Variants in WDR18 observed in about 807,000 individuals in gnomAD.
WDR18 encodes WD repeat-containing protein 18.
Under a neutral mutation model 49.6 loss-of-function variants are expected in WDR18, and 33 were observed. The ratio of observed to expected loss-of-function variants is 0.67; its 90% CI spans 0.50 to 0.89. The LOEUF (loss-of-function observed/expected upper bound fraction) is 0.89, where lower values mean the gene tolerates loss of function less well. Among genes scored for constraint, WDR18 ranks in the 40% least tolerant of loss-of-function variants. The probability of loss-of-function intolerance (pLI) is 0.00; values close to 1 mark genes in which losing one functional copy is unlikely to be tolerated. For missense variants in WDR18, 653 were observed against 593.6 expected, an observed-to-expected ratio of 1.10 and a Z score of -1.04; for synonymous variants, 315 against 263.6, an observed-to-expected ratio of 1.19 and a Z score of -1.89.
At chr19:983,363 C>A (rs982052295), upstream of WDR18, among the ~76,000 whole-genome samples, 2 of 152,046 alleles carry the variant, frequency 1.3e-5, no homozygotes, top group African/African-American at 4.8e-5. Context: ...GGGATCTCGG[C>A]TCACTGAGAC....
chr19:984,207 C>A (rs911494590), upstream of WDR18: 3 of 872,246 alleles, frequency 3.4e-6, no homozygotes, highest in East Asian at 3.3e-5. Flanking sequence ...AATCCCACTT[C>A]ACAAGAAAGC....
intron 7 of WDR18, among the ~76,000 whole-genome samples, chr19:991,711 ACGGGGCGGGGCCTGG>A: frequency 1.3e-3 from 1 of 764 alleles, no homozygotes; most frequent in African/African-American, 0.01. Context: ...CCTGGCTGGG[ACGGGGCGGGGCCTGG>A]CTGGGACGGG....
Position 993,495 on chromosome 19 carries a change from C to T in WDR18, c.1099-525C>T, listed in dbSNP as rs149686393. Among the ~76,000 whole-genome samples the T allele has an allele frequency of 7.7e-3, 1,177 of 152,368 alleles. 47 individuals carry two copies. Among genetic ancestry groups the T allele is most frequent in the Admixed American group, 0.067 (1,029 of 15,302 alleles). On this transcript the variant is annotated intron_variant, in intron 8 of 9. Transcript: ENST00000585809. ...AGCTGACACTGGAATGTTGGCCTGT[C>T]CCACAGACAGGCGCTGCTGGGGCCC...
At chr19:989,679 G>T in intron 2 of WDR18, 83 bp from the exon 3 acceptor site, 2 of 1,573,506 alleles carry the variant, frequency 1.3e-6, no homozygotes, top group Non-Finnish European at 1.7e-6. Flanking sequence ...TGGCCGTGCA[G>T]TGGTGGGTTC....
At chr19:993,738 T>C (rs1463801934) in intron 8 of WDR18, among the ~76,000 whole-genome samples, 2 of 151,394 alleles carry the variant, frequency 1.3e-5, no homozygotes, top group Non-Finnish European at 3.0e-5. Flanking sequence ...CAGGCCCCTG[T>C]CTGTGGTGTG....
In WDR18 at chr19:992,018, C is replaced by A; in HGVS notation, c.995C>A (p.Pro332His). The change falls in exon 8 of 10, where the codon CCC (proline) becomes CAC (histidine). Residue 332 changes from proline to histidine, a missense_variant. Transcript: ENST00000585809. Reference protein sequence around the residue: ...PVSMLSSDFRPSLPLPHFNKH... With the variant: ...PVSMLSSDFRHSLPLPHFNKH... The stretch of plus-strand genomic sequence containing the variant: ...AGCATGCTGAGCTCAGACTTCAGGC[C>A]CAGCCTGCCGCTGCCCCACTTCAAC... 1 of 1,595,634 alleles carries A rather than the reference C, an allele frequency of 6.3e-7. No individual in the cohort carries two copies. Among genetic ancestry groups the A allele is most frequent in the Non-Finnish European group, 8.5e-7 (1 of 1,175,082 alleles).
rs756869301 is a variant in WDR18 at position 990,860 on chromosome 19, G to C, written c.606G>C (p.Glu202Asp). ...SSLDQTVKLW[E>D]VSSGELLLSV... ...CCTTTGCCCACCCGCAGCTATGGGAGGTCTCCTCGGGGGAGCTGCTGCTCT... is the reference window on the plus strand; with the variant it reads ...CCTTTGCCCACCCGCAGCTATGGGACGTCTCCTCGGGGGAGCTGCTGCTCT... The change falls in exon 5 of 10, where the codon GAG (glutamate) becomes GAC (aspartate). Residue 202 changes from glutamate (E) to aspartate (D), a missense_variant. Physicochemically the swap from Glu to Asp is conservative, Grantham distance 45. Coordinates refer to ENST00000585809, the MANE Select transcript of WDR18 (RefSeq NM_024100.4). The C allele has an allele frequency of 7.5e-6, 12 of 1,606,436 alleles. No homozygotes were observed. The East Asian group carries it at 2.5e-4, about 33-fold the overall frequency.
At position 984,357 on chromosome 19, in the gene WDR18, G is replaced by A; in HGVS notation, c.4G>A (p.Ala2Thr). The A allele has an allele frequency of 6.3e-7, 1 of 1,590,834 alleles. No homozygotes were observed. Residue 2 changes from alanine (A) to threonine (T), a missense_variant, in exon 1 of 10, where the codon GCG becomes ACG. Transcript: ENST00000585809. M[A>T]APMEVAVCTD... ...CCGGGGCGGTGGGGAAGGCAAGATG[G>A]CGGCGCCCATGGAGGTGGCCGTGTG...
intron 2 of WDR18, among the ~76,000 whole-genome samples, chr19:986,563 C>T (rs992310808): frequency 2.0e-5 from 3 of 152,202 alleles, no homozygotes; most frequent in African/African-American, 7.2e-5. Context: ...GCCACCGCGC[C>T]CGGCCAGTGC....
In WDR18 at chr19:989,800, C is replaced by T. The variant is rs1396570443; in HGVS notation, c.360C>T (p.His120=). Residue 120 remains histidine (H), a synonymous_variant, in exon 3 of 10, where the codon CAC becomes CAT. Coordinates refer to ENST00000585809, the MANE Select transcript of WDR18 (RefSeq NM_024100.4). The part of the protein sequence containing the change: ...TGNLLVILSR[H]YQDVSCLQFT... ...ACCTTCTGGTCATCCTGAGTCGACA[C>T]TACCAGGACGTCTCCTGCCTTCAGT... 4 of 1,612,800 alleles carry T rather than the reference C, an allele frequency of 2.5e-6. No individual in the cohort carries two copies. The highest frequency in any genetic ancestry group is 1.7e-5 in the Admixed American group (1 of 59,996).
chr19:984,600 C>T, intron 1 of WDR18, 37 bp downstream of exon 1: 1 of 1,378,672 alleles, frequency 7.3e-7, no homozygotes, highest in Non-Finnish European at 9.4e-7. Flanking sequence ...GGTCATGGGG[C>T]GCCCGAGGCT....
intron 5 of WDR18, 23 bp downstream of exon 5, chr19:991,018 T>C: frequency 6.2e-7 from 1 of 1,601,832 alleles, no homozygotes; most frequent in East Asian, 2.2e-5. Context: ...GTCTGCGGGC[T>C]GCACCCTGCC....
chr19:993,342 C>T (rs2038584518), intron 8 of WDR18, among the ~76,000 whole-genome samples: 1 of 152,254 alleles, frequency 6.6e-6, no homozygotes, highest in South Asian at 2.1e-4. Flanking sequence ...ACCTAGTTGG[C>T]CACAGTGGGA....
Position 993,915 on chromosome 19 carries a change from C to A in WDR18, c.1099-105C>A, listed in dbSNP as rs373503354. On this transcript the variant is annotated intron_variant, in intron 8 of 9. Coordinates refer to ENST00000585809, the MANE Select transcript of WDR18 (RefSeq NM_024100.4). The stretch of plus-strand genomic sequence containing the variant: ...TTCTGTCTGTGGGCGTCACGGTGGC[C>A]CCTCCCTGGCTGAGTGGCTGCCCAC... 4.6e-6 allele frequency: 6 copies of A among 1,291,722 alleles called. 1 individual carries two copies. Among genetic ancestry groups the A allele is most frequent in the South Asian group, 3.8e-5 (3 of 78,050 alleles). The allele number at this position is 1,291,722 out of a possible 1,614,324, so 80.0% of individuals were successfully genotyped here.
At chr19:988,724 G>A (rs1352248416) in intron 2 of WDR18, among the ~76,000 whole-genome samples, 2 of 152,080 alleles carry the variant, frequency 1.3e-5, no homozygotes, top group African/African-American at 2.4e-5. Context: ...CTCCGGTGGT[G>A]GCCGGCACCC....
At position 992,065 on chromosome 19, in the gene WDR18, C is replaced by T. The variant is rs2038565350; in HGVS notation, c.1042C>T (p.His348Tyr). The T allele has an allele frequency of 1.3e-6, 2 of 1,566,842 alleles. No homozygotes were observed. The highest frequency in any genetic ancestry group is 1.2e-5 in the South Asian group (1 of 86,468). ...CAACAAGCACCTGCTGGGCGCCGAG[C>T]ACGGGGACGAGCCGCGCCACGGGGG... ...HFNKHLLGAE[H>Y]GDEPRHGGLT... Residue 348 changes from histidine to tyrosine, a missense_variant, in exon 8 of 10, where the codon CAC (histidine) becomes TAC (tyrosine). Coordinates refer to ENST00000585809, the MANE Select transcript of WDR18 (RefSeq NM_024100.4).
chr19:984,174 C>T (rs1353107218), upstream of WDR18: 3 of 660,450 alleles, frequency 4.5e-6, no homozygotes, highest in African/African-American at 1.9e-5. Flanking sequence ...GCCGCGCGAC[C>T]CTCGAGTCTC....
chr19:987,829 G>GTTTTTTTTGTTTTTTTTTTTTTT (rs2038490657), intron 2 of WDR18, among the ~76,000 whole-genome samples: 12 of 91,806 alleles, frequency 1.3e-4, no homozygotes, highest in African/African-American at 6.3e-4. Context: ...GCCGCCTCCA[G>GTTTTTTTTGTTTTTTTTTTTTTT]TTTTTTTTTT....
chr19:987,829 G>GTTTTTTTTGTTTTTTT lies in WDR18; in HGVS notation c.321+1862_321+1863insGTTTTTTTTTTTTTTT, dbSNP rs2038490657. ...ACCCCTGCTCCCCTAGCCGCCTCCAGTTTTTTTTTTTTTTTTTTTTTTTCA... is the reference window on the plus strand; with the variant it reads ...ACCCCTGCTCCCCTAGCCGCCTCCAGTTTTTTTTGTTTTTTTTTTTTTTTTTTTTTTTTTTTTTTCA... On this transcript the variant is annotated intron_variant, in intron 2 of 9. Coordinates refer to ENST00000585809, the MANE Select transcript of WDR18 (RefSeq NM_024100.4). Among the ~76,000 whole-genome samples the GTTTTTTTTGTTTTTTT allele has an allele frequency of 1.4e-3, 128 of 91,804 alleles. 9 individuals carry two copies. Among genetic ancestry groups the GTTTTTTTTGTTTTTTT allele is most frequent in the African/African-American group, 6.5e-3 (123 of 18,930 alleles). 60.2% of individuals were successfully genotyped at this position (91,804 alleles called of 152,430 possible).
Sources: allele counts gnomAD v4.1 joint callset (sites outside exome capture counted in the v4.1 genomes callset), GRCh38; gene constraint gnomAD v4.1.1; transcripts MANE v1.5; gene names NCBI Gene and HGNC (gene_info 2026-07-23, HGNC 2026-07-21).